Variants in ARID1A observed in about 807,000 individuals in gnomAD.
ARID1A encodes the protein AT-rich interactive domain-containing protein 1A.
ARID1A carries 20 observed loss-of-function variants against 212.6 expected under a neutral mutation model. The observed-to-expected ratio is 0.09, with a 90% CI of 0.07 to 0.14. The LOEUF is 0.14. Ranked by LOEUF, ARID1A falls within the 10% of genes least tolerant of loss-of-function variation. ARID1A has a pLI of 1.00. For missense variants in ARID1A, 2,587 were observed against 3,059.0 expected, an observed-to-expected ratio of 0.85 and a Z score of 3.64; for synonymous variants, 1,376 against 1,222.1, an observed-to-expected ratio of 1.13 and a Z score of -2.63.
At chr1:26,706,295 G>A (rs965863095) in intron 1 of ARID1A, among the ~76,000 whole-genome samples, 1 of 152,176 alleles carries the variant, frequency 6.6e-6, no homozygotes, top group Non-Finnish European at 1.5e-5. Context: ...TAGCAGCCAA[G>A]ATTTTTGTAT....
Position 26,773,790 on chromosome 1 carries a change from T to G in ARID1A, c.4005-12T>G. Reference sequence around the variant, plus strand: ...TGCCCACCCTAATCCTGTGTTTCTTTGCCTCCTATAGACATGATTCCTATG... The same window carrying G: ...TGCCCACCCTAATCCTGTGTTTCTTGGCCTCCTATAGACATGATTCCTATG... On this transcript the variant is annotated splice_polypyrimidine_tract_variant and intron_variant, in intron 16 of 19. Coordinates refer to ENST00000324856, the MANE Select transcript of ARID1A (RefSeq NM_006015.6). 1 of 1,614,188 alleles carries G rather than the reference T, an allele frequency of 6.2e-7. No individual in the cohort carries two copies. Among genetic ancestry groups the G allele is most frequent in the Non-Finnish European group, 8.5e-7 (1 of 1,180,026 alleles).
Position 26,774,087 on chromosome 1 carries a change from C to T in ARID1A, c.4101+189C>T. On this transcript the variant is annotated intron_variant, in intron 17 of 19. Transcript: ENST00000324856. This position sits in a 1 kb window ranked among gnomAD's most constrained non-coding sequence, Gnocchi z 5.6. The stretch of plus-strand genomic sequence containing the variant: ...CTTCTCTATTTGGAGTTGGAAGGGG[C>T]TAGAAATAGACCTTATTTTGATTTT... 9.3e-7 allele frequency: 1 copy of T among 1,077,498 alleles called. No homozygotes were observed. The highest frequency in any genetic ancestry group is 1.3e-6 in the Non-Finnish European group (1 of 765,442). The allele number at this position is 1,077,498 out of a possible 1,614,324, so 66.7% of individuals were successfully genotyped here. A position where few individuals can be genotyped will look rare whatever the true frequency, so the allele number is the denominator to read the frequency against.
chr1:26,719,986 C>G (rs1474602073), intron 1 of ARID1A, among the ~76,000 whole-genome samples: 3 of 149,254 alleles, frequency 2.0e-5, no homozygotes, highest in East Asian at 2.0e-4. Flanking sequence ...GGCGTGGTGG[C>G]TCACACCTGT....
intron 4 of ARID1A, among the ~76,000 whole-genome samples, chr1:26,734,811 G>A (rs2080713727): frequency 6.6e-6 from 1 of 152,140 alleles, no homozygotes; most frequent in Admixed American, 6.5e-5. Context: ...AGGATCCCTA[G>A]GTTTGCCAGT....
At chr1:26,777,724 G>A (rs1278376809) in intron 19 of ARID1A, among the ~76,000 whole-genome samples, 1 of 152,036 alleles carries the variant, frequency 6.6e-6, no homozygotes, top group African/African-American at 2.4e-5. Flanking sequence ...TTTGAGGTCA[G>A]GAGTTTGAGG....
rs2124056238 is a variant in ARID1A, at chr1:26,761,031, C to T, written c.2096C>T (p.Pro699Leu). 1 of 1,614,130 alleles carries T rather than the reference C, an allele frequency of 6.2e-7. No individual in the cohort carries two copies. The highest frequency in any genetic ancestry group is 1.1e-5 in the South Asian group (1 of 91,076). Reference sequence around the variant, plus strand: ...GGCATCCGAGGCCCTTCCCCGTCCCCTGTTGGCTCTCCCGCCAGTGTTGCT... The same window carrying T: ...GGCATCCGAGGCCCTTCCCCGTCCCTTGTTGGCTCTCCCGCCAGTGTTGCT... ...LPGIRGPSPS[P>L]VGSPASVAQS... Residue 699 changes from proline to leucine, a missense_variant, in exon 5 of 20, where the codon CCT (proline) becomes CTT (leucine). Around this residue, in one of 11 missense-constraint regions of ARID1A, gnomAD observed 674 missense variants for 813.4 expected, o/e 0.83. Coordinates refer to ENST00000324856, the MANE Select transcript of ARID1A (RefSeq NM_006015.6).
At position 26,781,159 on chromosome 1, in the gene ARID1A, TAAAAA is replaced by T. The variant is rs71007893; in HGVS notation, c.*417_*421del. ...CACATTTCATAACTGTTTTTAATGG[TAAAAA>T]AAAAAAAAAAAAATACAAAAAAAAA... On this transcript the variant is annotated 3_prime_UTR_variant, in exon 20 of 20. Coordinates refer to ENST00000324856, the MANE Select transcript of ARID1A (RefSeq NM_006015.6). 1.5e-5 allele frequency: 3 copies of T among 195,330 alleles called. No homozygotes were observed. Among genetic ancestry groups the T allele is most frequent in the Non-Finnish European group, 2.9e-5 (3 of 103,896 alleles). The allele number at this position is 195,330 out of a possible 1,614,324, so 12.1% of individuals were successfully genotyped here.
At chr1:26,731,757 A>G (rs904828581) in intron 3 of ARID1A, among the ~76,000 whole-genome samples, 153 bp downstream of exon 3, 4 of 152,228 alleles carry the variant, frequency 2.6e-5, no homozygotes, top group African/African-American at 9.6e-5. Context: ...GATTGATTGA[A>G]CTAATAAAGG....
chr1:26,762,385 G>A (rs1310857386), intron 7 of ARID1A, 66 bp downstream of exon 7: 19 of 1,530,988 alleles, frequency 1.2e-5, no homozygotes, highest in Non-Finnish European at 1.7e-5. Flanking sequence ...TGTCTGATAT[G>A]TTGCCATCTA....
chr1:26,726,612 C>T (rs2080622220), intron 1 of ARID1A, among the ~76,000 whole-genome samples: 1 of 152,202 alleles, frequency 6.6e-6, no homozygotes, highest in African/African-American at 2.4e-5. Context: ...ATGACCCTGG[C>T]TTTATGGCTA....
chr1:26,733,185 T>C (rs1421995086), intron 4 of ARID1A, among the ~76,000 whole-genome samples: 2 of 152,208 alleles, frequency 1.3e-5, no homozygotes, highest in Non-Finnish European at 2.9e-5. Context: ...CCTGGAGCAA[T>C]TCAGCATGCA....
intron 4 of ARID1A, among the ~76,000 whole-genome samples, chr1:26,748,901 A>G (rs2080860989): frequency 6.6e-6 from 1 of 151,974 alleles, no homozygotes; most frequent in South Asian, 2.1e-4. Flanking sequence ...GCAGTGGCTC[A>G]CGCCTGTAAT....
intron 4 of ARID1A, among the ~76,000 whole-genome samples, chr1:26,734,287 T>A (rs2080707633): frequency 6.6e-6 from 1 of 152,174 alleles, no homozygotes; most frequent in South Asian, 2.1e-4. Flanking sequence ...AGTTGCTTCA[T>A]TCCAAAAAGT....
chr1:26,718,213 G>A lies in ARID1A; in HGVS notation c.1138-11438G>A, dbSNP rs189839633. 7.2e-5 allele frequency among the ~76,000 whole-genome samples: 11 copies of A among 152,286 alleles called. No homozygotes were observed. In the East Asian group the frequency reaches 1.9e-3, roughly 27 times the overall value. ...TGGTCTCGAACTCCCGACCTCAGGT[G>A]ATCCACCTGCCTCCGCCTCCCAAAG... On this transcript the variant is annotated intron_variant, in intron 1 of 19. Transcript: ENST00000324856.
At chr1:26,706,671 G>A (rs1313208768) in intron 1 of ARID1A, among the ~76,000 whole-genome samples, 5 of 152,200 alleles carry the variant, frequency 3.3e-5, no homozygotes, top group African/African-American at 1.2e-4. Context: ...TTCTTGCCCA[G>A]TGATTTCTCC....
chr1:26,696,610 G>A lies in ARID1A; in HGVS notation c.207G>A (p.Leu69=), dbSNP rs984346923. The change falls in exon 1 of 20, where the codon CTG becomes CTA. Residue 69 remains leucine (L), a synonymous_variant. Coordinates refer to ENST00000324856, the MANE Select transcript of ARID1A (RefSeq NM_006015.6). ...EGPAVGPPQP[L]GKELQDGAES... is the part of the protein sequence containing the mutation. ...CCGCCGTGGGGCCGCCGCAGCCGCT[G>A]GGAAAGGAGCTGCAGGACGGGGCCG... is the stretch of plus-strand genomic sequence containing the variant. The A allele has an allele frequency of 5.6e-6, 7 of 1,239,046 alleles. No homozygotes were observed. Among genetic ancestry groups the A allele is most frequent in the African/African-American group, 4.7e-5 (3 of 63,852 alleles). 76.8% of individuals were successfully genotyped at this position (1,239,046 alleles called of 1,614,324 possible). A position where few individuals can be genotyped will look rare whatever the true frequency, so the allele number is the denominator to read the frequency against.
rs2080674892 is a variant in ARID1A at position 26,731,390 on chromosome 1, C to A, written c.1589C>A (p.Ser530Tyr). 1 of 1,613,946 alleles carries A rather than the reference C, an allele frequency of 6.2e-7. No homozygotes were observed. Among genetic ancestry groups the A allele is most frequent in the Non-Finnish European group, 8.5e-7 (1 of 1,179,964 alleles). Residue 530 changes from serine to tyrosine, a missense_variant, in exon 3 of 20, where the codon TCC becomes TAC. Coordinates refer to ENST00000324856, the MANE Select transcript of ARID1A (RefSeq NM_006015.6). ...CCATCCCAGCCTCCACATCAGCAGT[C>A]CCCGGCTCCATACCCCTCCCAGCAG... is the stretch of plus-strand genomic sequence containing the variant. ...QQPSQPPHQQ[S>Y]PAPYPSQQST...
In ARID1A at chr1:26,696,171, C is replaced by T; in HGVS notation, c.-233C>T. The T allele has an allele frequency of 1.8e-6, 1 of 557,884 alleles. No individual in the cohort carries two copies. The highest frequency in any genetic ancestry group is 2.5e-6 in the Non-Finnish European group (1 of 401,808). 34.6% of individuals were successfully genotyped at this position (557,884 alleles called of 1,614,324 possible). ...TACAGAGCCGGGAGCAGCTGAGCCG[C>T]CGGCGCCTCGGCCGCCGCCGCCGCC... On this transcript the variant is annotated 5_prime_UTR_variant, in exon 1 of 20. Coordinates refer to ENST00000324856, the MANE Select transcript of ARID1A (RefSeq NM_006015.6).
In ARID1A at chr1:26,781,999, CTCCTTTTTT is replaced by C. The variant is rs2081200323; in HGVS notation, c.*1253_*1261del. On this transcript the variant is annotated 3_prime_UTR_variant, in exon 20 of 20. Coordinates refer to ENST00000324856, the MANE Select transcript of ARID1A (RefSeq NM_006015.6). ...TGTAGCTAAAACTTGATGTAAATTC[CTCCTTTTTT>C]TCCTTTTTTGGCTTAATGAATATCA... 8.6e-6 allele frequency: 2 copies of C among 233,002 alleles called. No individual in the cohort carries two copies. The highest frequency in any genetic ancestry group is 1.7e-5 in the Non-Finnish European group (2 of 117,828). The allele number at this position is 233,002 out of a possible 1,614,324, so 14.4% of individuals were successfully genotyped here.
Sources: allele counts gnomAD v4.1 joint callset (sites outside exome capture counted in the v4.1 genomes callset), GRCh38; gene constraint gnomAD v4.1.1; regional missense constraint gnomAD v4.1.1; non-coding constraint Gnocchi (gnomAD v3.1); transcripts MANE v1.5; gene names NCBI Gene and HGNC (gene_info 2026-07-23, HGNC 2026-07-21).